JAK3: variants seen among roughly 807,000 people sequenced by gnomAD.
JAK3 encodes tyrosine-protein kinase JAK3.
In JAK3, 88 loss-of-function variants were observed where a neutral mutation model predicts 120.8. That is an observed-to-expected ratio of 0.73 (90% CI 0.61 to 0.87). The LOEUF (loss-of-function observed/expected upper bound fraction) is 0.87, where lower values mean the gene tolerates loss of function less well. Ranked by LOEUF, JAK3 falls within the 40% of genes least tolerant of loss-of-function variation. JAK3 has a pLI of 0.00. For missense variants in JAK3, 1,254 were observed against 1,501.4 expected (o/e 0.84, Z 2.72); for synonymous variants, 592 against 628.6 (o/e 0.94, Z 0.87).
At chr19:17,840,771 A>G (rs2094236422) in intron 8 of JAK3, among the ~76,000 whole-genome samples, 1 of 151,890 alleles carries the variant, frequency 6.6e-6, no homozygotes, top group Admixed American at 6.6e-5. Flanking sequence ...TCAAAAAAAA[A>G]AAGAAAAAAG....
At position 17,843,743 on chromosome 19, in the gene JAK3, G is replaced by T. The variant is rs1363806627; in HGVS notation, c.308+34C>A. The T allele has an allele frequency of 2.5e-6, 4 of 1,612,026 alleles. No individual in the cohort carries two copies. Among genetic ancestry groups the T allele is most frequent in the Admixed American group, 3.3e-5 (2 of 59,972 alleles). The stretch of plus-strand genomic sequence containing the variant: ...CGAAATGCAAGGAGATGATAAAATT[G>T]TACAATCCCTGGGGGCTGGGGGGCA... On this transcript the variant is annotated intron_variant, in intron 3 of 23. Coordinates refer to ENST00000458235, the MANE Select transcript of JAK3 (RefSeq NM_000215.4). This position sits in a 1 kb window ranked among gnomAD's most constrained non-coding sequence, Gnocchi z 5.4.
In JAK3 at chr19:17,843,896, G is replaced by A. The variant is rs2094245890; in HGVS notation, c.189C>T (p.Ile63=). 1 of 1,613,666 alleles carries A rather than the reference G, an allele frequency of 6.2e-7. No homozygotes were observed. ...CAAAGAGGGAGTGGTACACAGGCAGGATGCCTACAGGGGATGGTCCCATCA... is the reference window on the plus strand; with the variant it reads ...CAAAGAGGGAGTGGTACACAGGCAGAATGCCTACAGGGGATGGTCCCATCA... ...LCVQAAKASG[I]LPVYHSLFAL... Residue 63 remains isoleucine, a synonymous_variant, in exon 3 of 24, where the codon ATC becomes ATT. Transcript: ENST00000458235. The surrounding 1 kb of genome is among the most constrained non-coding windows in gnomAD (Gnocchi z 5.4).
At position 17,831,464 on chromosome 19, in the gene JAK3, G is replaced by T. The variant is rs1182158392; in HGVS notation, c.2806-64C>A. The T allele has an allele frequency of 6.3e-7, 1 of 1,588,316 alleles. No homozygotes were observed. Among genetic ancestry groups the T allele is most frequent in the African/African-American group, 1.3e-5 (1 of 74,530 alleles). ...GGATAATCCGGCAGGTACCCCAAGC[G>T]TGACCTGGCACCCCAACCCAGACCC... is the stretch of plus-strand genomic sequence containing the variant. On this transcript the variant is annotated intron_variant, in intron 20 of 23. Transcript: ENST00000458235. This position sits in a 1 kb window ranked among gnomAD's most constrained non-coding sequence, Gnocchi z 5.1.
At position 17,842,132 on chromosome 19, in the gene JAK3, T is replaced by A. The variant is rs375707376; in HGVS notation, c.861+184A>T. 7.9e-5 allele frequency among the ~76,000 whole-genome samples: 12 copies of A among 151,622 alleles called. No homozygotes were observed. In the East Asian group the frequency reaches 2.0e-3, roughly 25 times the overall value. ...TTCCCGGGTCGCTCAGCCCAACCCT[T>A]CACTCAGTTTGCCCCTCCCATTCCC... On this transcript the variant is annotated intron_variant, in intron 6 of 23. Transcript: ENST00000458235. This position sits in a 1 kb window ranked among gnomAD's most constrained non-coding sequence, Gnocchi z 6.4.
rs2094214458 is a variant in JAK3, at chr19:17,831,501, C to G, written c.2806-101G>C. 1.9e-6 allele frequency: 3 copies of G among 1,544,426 alleles called. No homozygotes were observed. The highest frequency in any genetic ancestry group is 2.6e-6 in the Non-Finnish European group (3 of 1,138,846). ...CCCAACCCAGACCCCAACTATAACC[C>G]TACCCCCGAGCCATCCTCCACTGAA... On this transcript the variant is annotated intron_variant, in intron 20 of 23. Transcript: ENST00000458235. The surrounding 1 kb of genome is among the most constrained non-coding windows in gnomAD (Gnocchi z 5.1).
rs2147676122 is a variant in JAK3 at position 17,831,421 on chromosome 19, C to T, written c.2806-21G>A. 1 of 1,600,512 alleles carries T rather than the reference C, an allele frequency of 6.2e-7. No homozygotes were observed. Among genetic ancestry groups the T allele is most frequent in the South Asian group, 1.1e-5 (1 of 91,064 alleles). On this transcript the variant is annotated intron_variant, in intron 20 of 23. Coordinates refer to ENST00000458235, the MANE Select transcript of JAK3 (RefSeq NM_000215.4). This position sits in a 1 kb window ranked among gnomAD's most constrained non-coding sequence, Gnocchi z 5.1. ...ATGCCCTGCGGGCGGGCGGTGTGAG[C>T]GTGCAGAGAGGATCCCAGGATAATC...
At chr19:17,846,034 T>A (rs921308272) in intron 1 of JAK3, among the ~76,000 whole-genome samples, 2 of 152,026 alleles carry the variant, frequency 1.3e-5, no homozygotes, top group African/African-American at 2.4e-5. Context: ...GCGAGGCTGG[T>A]CTGGAACTCC....
At chr19:17,827,508 T>C (rs1022473924) in intron 23 of JAK3, among the ~76,000 whole-genome samples, 14 of 151,352 alleles carry the variant, frequency 9.2e-5, no homozygotes, top group East Asian at 5.9e-4. Flanking sequence ...CCGCCACACC[T>C]GGCTAAGTCT....
intron 14 of JAK3, 133 bp from the exon 15 acceptor site, chr19:17,835,348 G>T: frequency 1.6e-6 from 2 of 1,214,542 alleles, no homozygotes; most frequent in Non-Finnish European, 2.3e-6. Context: ...CCTGACTCCT[G>T]ACATCCTGTC....
chr19:17,832,966 C>A lies in JAK3; in HGVS notation c.2351-37G>T. 1 of 1,593,844 alleles carries A rather than the reference C, an allele frequency of 6.3e-7. No individual in the cohort carries two copies. The highest frequency in any genetic ancestry group is 1.1e-5 in the South Asian group (1 of 89,104). On this transcript the variant is annotated intron_variant, in intron 17 of 23. Coordinates refer to ENST00000458235, the MANE Select transcript of JAK3 (RefSeq NM_000215.4). The surrounding 1 kb of genome is among the most constrained non-coding windows in gnomAD (Gnocchi z 4.7). ...GCATGGGCAGTGGTAAGCAGCGCCTCTCATCCTGGGCCCCACTCCTGAGTT... is the reference window on the plus strand; with the variant it reads ...GCATGGGCAGTGGTAAGCAGCGCCTATCATCCTGGGCCCCACTCCTGAGTT...
chr19:17,847,175 G>A (rs2094254071), intron 1 of JAK3, among the ~76,000 whole-genome samples: 1 of 152,144 alleles, frequency 6.6e-6, no homozygotes, highest in Non-Finnish European at 1.5e-5. Flanking sequence ...TGGGATTAAA[G>A]GCATGAGCCA....
Position 17,843,168 on chromosome 19 carries a change from C to T in JAK3, c.425G>A (p.Arg142His), listed in dbSNP as rs964736085. The T allele has an allele frequency of 1.9e-6, 3 of 1,603,364 alleles. No homozygotes were observed. The highest frequency in any genetic ancestry group is 2.5e-6 in the Non-Finnish European group (3 of 1,178,066). Residue 142 changes from arginine (R) to histidine (H), a missense_variant, in exon 5 of 24, where the codon CGC becomes CAC. This residue lies in a region of JAK3 where 486 missense variants were observed against 503.0 expected (regional missense o/e 0.97). Coordinates refer to ENST00000458235, the MANE Select transcript of JAK3 (RefSeq NM_000215.4). The surrounding 1 kb of genome is among the most constrained non-coding windows in gnomAD (Gnocchi z 5.4). ...GAGGCGCCCACTCACCAGGTCACTG[C>T]GGTGCTGGGGGGCCGCCACAGGGAG... ...PVLEHLFAQH[R>H]SDLVSGRLPV...
chr19:17,844,362 A>G lies in JAK3; in HGVS notation c.56T>C (p.Leu19Ser), dbSNP rs745658193. The change falls in exon 2 of 24, where the codon TTG (leucine) becomes TCG (serine). Residue 19 changes from leucine to serine, a missense_variant. Coordinates refer to ENST00000458235, the MANE Select transcript of JAK3 (RefSeq NM_000215.4). Reference sequence around the variant, plus strand: ...ATGCAGGGCACCAGCCTCCGTGGACAAGAGGCTGCATGAACGCTGAGGGAT... The same window carrying G: ...ATGCAGGGCACCAGCCTCCGTGGACGAGAGGCTGCATGAACGCTGAGGGAT... ...PLIPQRSCSL[L>S]STEAGALHVL... 3 of 1,612,430 alleles carry G rather than the reference A, an allele frequency of 1.9e-6. No individual in the cohort carries two copies. The highest frequency in any genetic ancestry group is 1.7e-5 in the Admixed American group (1 of 59,926).
At position 17,837,163 on chromosome 19, in the gene JAK3, G is replaced by A. The variant is rs200582253; in HGVS notation, c.1752C>T (p.Leu584=). The A allele has an allele frequency of 3.1e-4, 482 of 1,567,446 alleles. No homozygotes were observed. Among genetic ancestry groups the A allele is most frequent in the Non-Finnish European group, 4.0e-4 (461 of 1,156,300 alleles). Residue 584 remains leucine (L), a synonymous_variant, in exon 13 of 24, where the codon CTC becomes CTT. Coordinates refer to ENST00000458235, the MANE Select transcript of JAK3 (RefSeq NM_000215.4). The stretch of plus-strand genomic sequence containing the variant: ...CCATGCACACGCCGTGGAGCAGCAC[G>A]AGATGCCGGTACGACACTTGGCTCA... ...SLMSQVSYRH[L]VLLHGVCMAG...
intron 12 of JAK3, 134 bp from the exon 13 acceptor site, chr19:17,837,347 T>C (rs2094226706): frequency 4.2e-6 from 3 of 715,936 alleles, no homozygotes; most frequent in Admixed American, 4.0e-5. Context: ...CTGCCATTAG[T>C]GCACACAGCA....
intron 23 of JAK3, among the ~76,000 whole-genome samples, chr19:17,828,722 G>A (rs1361111131): frequency 6.6e-6 from 1 of 152,108 alleles, no homozygotes; most frequent in Non-Finnish European, 1.5e-5. Context: ...CTAGTTACTG[G>A]GAGGACAGGG....
chr19:17,840,679 C>A (rs954414421), intron 8 of JAK3, among the ~76,000 whole-genome samples: 1 of 151,406 alleles, frequency 6.6e-6, no homozygotes, highest in Non-Finnish European at 1.5e-5. Flanking sequence ...AGGAGAATGG[C>A]GTGACCCTGG....
chr19:17,836,095 A>C, intron 13 of JAK3, 44 bp from the exon 14 acceptor site: 3 of 1,610,266 alleles, frequency 1.9e-6, no homozygotes, highest in Non-Finnish European at 2.5e-6. Context: ...ACTGAACTGC[A>C]CTTGTGTTGA....
chr19:17,831,626 A>C lies in JAK3; in HGVS notation c.2805+48T>G, dbSNP rs1251794822. The stretch of plus-strand genomic sequence containing the variant: ...GCGACCTCCAAGCAGACCCCTGCCC[A>C]GGCCGTGCCAGCTGAATCCCCACAA... On this transcript the variant is annotated intron_variant, in intron 20 of 23. Coordinates refer to ENST00000458235, the MANE Select transcript of JAK3 (RefSeq NM_000215.4). The surrounding 1 kb of genome is among the most constrained non-coding windows in gnomAD (Gnocchi z 5.1). The C allele has an allele frequency of 6.3e-7, 1 of 1,583,398 alleles. No individual in the cohort carries two copies. The highest frequency in any genetic ancestry group is 1.4e-5 in the African/African-American group (1 of 73,796).
Sources: gnomAD v4.1 joint callset for allele counts (sites outside exome capture counted in the v4.1 genomes callset) on GRCh38, gnomAD v4.1.1 for gene constraint, gnomAD v4.1.1 regional missense constraint, Gnocchi (gnomAD v3.1) non-coding constraint, MANE v1.5 for transcripts, NCBI Gene and HGNC (gene_info 2026-07-23, HGNC 2026-07-21) for gene names.